Variants in HIRA observed in about 807,000 individuals in gnomAD.
HIRA encodes the protein protein HIRA.
A neutral mutation model predicts 126.6 loss-of-function variants in HIRA; 13 were observed. The ratio of observed to expected loss-of-function variants is 0.10; its 90% CI spans 0.07 to 0.16. The LOEUF (loss-of-function observed/expected upper bound fraction) is 0.16, where lower values mean the gene tolerates loss of function less well. Among genes scored for constraint, HIRA ranks in the 10% least tolerant of loss-of-function variants. HIRA has a pLI of 1.00. For synonymous variants in HIRA, 511 were observed against 520.0 expected (o/e 0.98, Z 0.24); for missense variants, 834 against 1,314.4 (o/e 0.63, Z 5.65).
chr22:19,379,331 A>G (rs1214283230), intron 13 of HIRA, among the ~76,000 whole-genome samples: 1 of 151,060 alleles, frequency 6.6e-6, no homozygotes, highest in Non-Finnish European at 1.5e-5. Flanking sequence ...TCAAAGTAGA[A>G]ATACTTGATT....
intron 1 of HIRA, among the ~76,000 whole-genome samples, chr22:19,421,897 C>T (rs1431658631): frequency 6.6e-6 from 1 of 152,110 alleles, no homozygotes; most frequent in Non-Finnish European, 1.5e-5. Context: ...GTCTTGAACT[C>T]CTAACCTCAA....
chr22:19,417,162 T>A (rs1284156219), intron 1 of HIRA, among the ~76,000 whole-genome samples: 3 of 151,940 alleles, frequency 2.0e-5, no homozygotes, highest in Non-Finnish European at 4.4e-5. Context: ...ATCGTGCCAT[T>A]GCACTCCAGC....
At chr22:19,369,598 G>A (rs1014687328) in intron 15 of HIRA, among the ~76,000 whole-genome samples, 2 of 151,916 alleles carry the variant, frequency 1.3e-5, no homozygotes, top group Admixed American at 6.6e-5. Context: ...ATTACTTTGC[G>A]CACCACCCCT....
chr22:19,350,679 G>A (rs1182005503), intron 24 of HIRA, among the ~76,000 whole-genome samples: 2 of 151,710 alleles, frequency 1.3e-5, no homozygotes, highest in Non-Finnish European at 2.9e-5. Context: ...ACACCTCTGT[G>A]CCAACTCTGC....
rs528898988 is a variant in HIRA, at chr22:19,395,264, A to G, written c.655-755T>C. ...TAAGATCATGACCTCACAGCTCTAG[A>G]GCAGGACATGACAAACCAGAGCCTG... On this transcript the variant is annotated intron_variant, in intron 7 of 24. Coordinates refer to ENST00000263208, the MANE Select transcript of HIRA (RefSeq NM_003325.4). 1.6e-3 allele frequency among the ~76,000 whole-genome samples: 236 copies of G among 152,252 alleles called. 1 individual carries two copies. The highest frequency in any genetic ancestry group is 5.6e-3 in the African/African-American group (233 of 41,528).
chr22:19,346,487 G>A (rs1196106273), intron 24 of HIRA, among the ~76,000 whole-genome samples: 1 of 152,250 alleles, frequency 6.6e-6, no homozygotes, highest in Admixed American at 6.5e-5. Context: ...TCAGAATAGT[G>A]TTGAGATCAG....
intron 24 of HIRA, among the ~76,000 whole-genome samples, chr22:19,342,357 T>C (rs1422864767): frequency 6.6e-6 from 1 of 152,184 alleles, no homozygotes; most frequent in Non-Finnish European, 1.5e-5. Context: ...CTGGTGGGAA[T>C]GTAAACTAGT....
At chr22:19,427,541 A>G (rs1601866457) in intron 1 of HIRA, among the ~76,000 whole-genome samples, 1 of 152,212 alleles carries the variant, frequency 6.6e-6, no homozygotes, top group Non-Finnish European at 1.5e-5. Flanking sequence ...AAATAATCCA[A>G]TCGCAGGACA....
At chr22:19,363,545 G>A (rs2088885008) in intron 15 of HIRA, among the ~76,000 whole-genome samples, 1 of 152,186 alleles carries the variant, frequency 6.6e-6, no homozygotes, top group Non-Finnish European at 1.5e-5. Context: ...AAAGATCAGT[G>A]GTTTCCAGGG....
At chr22:19,379,877 C>T (rs1053571427) in intron 13 of HIRA, among the ~76,000 whole-genome samples, 4 of 151,854 alleles carry the variant, frequency 2.6e-5, no homozygotes, top group Admixed American at 1.3e-4. Flanking sequence ...GGCGCAATCT[C>T]GGCTCACTGC....
chr22:19,417,224 A>G (rs962566333), intron 1 of HIRA, among the ~76,000 whole-genome samples: 1 of 151,972 alleles, frequency 6.6e-6, no homozygotes, highest in East Asian at 1.9e-4. Context: ...AAGAAAAGAA[A>G]AGATACACAA....
At chr22:19,416,477 C>G (rs764437654) in intron 1 of HIRA, among the ~76,000 whole-genome samples, 1 of 152,012 alleles carries the variant, frequency 6.6e-6, no homozygotes, top group Non-Finnish European at 1.5e-5. Flanking sequence ...GGCACAACCA[C>G]GCCTGGTGCG....
chr22:19,362,284 A>G (rs1452504158), intron 15 of HIRA, among the ~76,000 whole-genome samples: 4 of 152,206 alleles, frequency 2.6e-5, no homozygotes, highest in African/African-American at 7.2e-5. Context: ...CATATTCCCA[A>G]CTGATCTGAG....
intron 6 of HIRA, 38 bp from the exon 7 acceptor site, chr22:19,396,985 A>T: frequency 6.2e-7 from 1 of 1,600,872 alleles, no homozygotes; most frequent in Non-Finnish European, 8.5e-7. Flanking sequence ...GTGTTGTCTG[A>T]GGGAAACATG....
At chr22:19,381,495 G>A (rs1003917503) in intron 13 of HIRA, among the ~76,000 whole-genome samples, 4 of 152,172 alleles carry the variant, frequency 2.6e-5, no homozygotes, top group East Asian at 1.9e-4. Flanking sequence ...TTAAAACAAC[G>A]TTGAATTTTA....
chr22:19,418,910 T>A (rs985829324), intron 1 of HIRA, among the ~76,000 whole-genome samples: 5 of 141,488 alleles, frequency 3.5e-5, no homozygotes, highest in African/African-American at 5.4e-5. Flanking sequence ...TCTATAATCA[T>A]CTCGATAAGA....
intron 15 of HIRA, among the ~76,000 whole-genome samples, chr22:19,363,717 G>T (rs1421449203): frequency 6.6e-6 from 1 of 151,992 alleles, no homozygotes; most frequent in Non-Finnish European, 1.5e-5. Context: ...GGCCAACATG[G>T]TGAGACCCCA....
In HIRA at chr22:19,387,748, T is replaced by C; in HGVS notation, c.1076A>G (p.Gln359Arg). The part of the protein sequence containing the change: ...DGSVAFLDFS[Q>R]DELGDPLSEE... ...GCTCAGGGGATCGCCAAGCTCATCCTGGGAGAAGTCGAGGAATGCCACAGA... is the reference window on the plus strand; with the variant it reads ...GCTCAGGGGATCGCCAAGCTCATCCCGGGAGAAGTCGAGGAATGCCACAGA... The change falls in exon 11 of 25, where the codon CAG becomes CGG. Residue 359 changes from glutamine to arginine, a missense_variant. Gln to Arg is a conservative substitution (Grantham distance 43). Coordinates refer to ENST00000263208, the MANE Select transcript of HIRA (RefSeq NM_003325.4). The C allele has an allele frequency of 1.2e-6, 2 of 1,613,988 alleles. No homozygotes were observed. Among genetic ancestry groups the C allele is most frequent in the Non-Finnish European group, 1.7e-6 (2 of 1,179,966 alleles).
chr22:19,361,709 T>A lies in HIRA; in HGVS notation c.1980+18A>T. 1 of 1,610,528 alleles carries A rather than the reference T, an allele frequency of 6.2e-7. No individual in the cohort carries two copies. The highest frequency in any genetic ancestry group is 8.5e-7 in the Non-Finnish European group (1 of 1,178,402). On this transcript the variant is annotated intron_variant, in intron 16 of 24. Transcript: ENST00000263208. ...GAAAGGTGGGCTAAAGAAGGCAGGA[T>A]GGGCCCACTGGCCTCACCTGGACAG...
Sources: allele counts gnomAD v4.1 joint callset (sites outside exome capture counted in the v4.1 genomes callset), GRCh38; gene constraint gnomAD v4.1.1; transcripts MANE v1.5; gene names NCBI Gene and HGNC (gene_info 2026-07-23, HGNC 2026-07-21).